Variants in MAPK10 observed in about 807,000 individuals in gnomAD.
MAPK10 encodes the protein JNK3 alpha protein kinase.
A neutral mutation model predicts 59.3 loss-of-function variants in MAPK10; 25 were observed. That is an observed-to-expected ratio of 0.42 (90% CI 0.31 to 0.59). MAPK10 has a LOEUF of 0.59. Among genes scored for constraint, MAPK10 ranks in the 20% least tolerant of loss-of-function variants. MAPK10 has a pLI of 0.15. For missense variants in MAPK10, 351 were observed against 568.9 expected, an observed-to-expected ratio of 0.62 and a Z score of 3.90; for synonymous variants, 190 against 200.5, an observed-to-expected ratio of 0.95 and a Z score of 0.44.
In MAPK10 at chr4:86,013,234, C is replaced by G. The variant is rs755583379; in HGVS notation, c.*3994G>C. On this transcript the variant is annotated 3_prime_UTR_variant, in exon 14 of 14. Coordinates refer to ENST00000641462, the MANE Select transcript of MAPK10 (RefSeq NM_138982.4). Reference sequence around the variant, plus strand: ...ATCACAAAGAAAATAGCTAAAATAACTATTTACATTGCAACTTTTTTGTTG... The same window carrying G: ...ATCACAAAGAAAATAGCTAAAATAAGTATTTACATTGCAACTTTTTTGTTG... 2.0e-5 allele frequency: 3 copies of G among 152,152 alleles called. No individual in the cohort carries two copies. Among genetic ancestry groups the G allele is most frequent in the African/African-American group, 4.8e-5 (2 of 41,440 alleles). The allele number at this position is 152,152 out of a possible 1,614,324, so 9.4% of individuals were successfully genotyped here. A position where few individuals can be genotyped will look rare whatever the true frequency, so the allele number is the denominator to read the frequency against.
chr4:86,357,993 C>T, intron 1 of MAPK10: 1 of 821,318 alleles, frequency 1.2e-6, no homozygotes, highest in Non-Finnish European at 1.5e-6. Flanking sequence ...GAGAGAAAAC[C>T]CAGTTTGCTC....
At chr4:86,332,932 A>G (rs550706877) in intron 2 of MAPK10, among the ~76,000 whole-genome samples, 2 of 152,286 alleles carry the variant, frequency 1.3e-5, no homozygotes, top group South Asian at 4.1e-4. Flanking sequence ...AATGGTAGTC[A>G]ACTAATCATT....
intron 1 of MAPK10, among the ~76,000 whole-genome samples, chr4:86,469,761 T>G (rs543799281): frequency 5.9e-5 from 9 of 152,302 alleles, no homozygotes; most frequent in African/African-American, 2.2e-4. Flanking sequence ...CAAAAAGAAT[T>G]GTAATTCCCA....
intron 2 of MAPK10, among the ~76,000 whole-genome samples, chr4:86,202,873 G>A (rs55656559): frequency 0.014 from 2,063 of 152,026 alleles, 49 homozygotes; most frequent in African/African-American, 0.047. Flanking sequence ...AAGTCACTGC[G>A]TAACCTTCTT....
chr4:86,244,256 ACT>A (rs934763433), intron 2 of MAPK10, among the ~76,000 whole-genome samples: 13 of 152,012 alleles, frequency 8.6e-5, no homozygotes, highest in African/African-American at 3.1e-4. Flanking sequence ...TTACGAAAAC[ACT>A]CAAAAAAAAT....
At chr4:86,479,880 C>T (rs568480595) in intron 1 of MAPK10, among the ~76,000 whole-genome samples, 11 of 152,102 alleles carry the variant, frequency 7.2e-5, no homozygotes, top group African/African-American at 2.4e-4. Context: ...CCCCCCTTAC[C>T]ACAAAATCTT....
At chr4:86,188,545 C>T (rs1029409184) in intron 3 of MAPK10, among the ~76,000 whole-genome samples, 2 of 152,132 alleles carry the variant, frequency 1.3e-5, no homozygotes, top group Non-Finnish European at 2.9e-5. Flanking sequence ...TAAATGTCTT[C>T]TTTTGAGAAG....
At chr4:86,322,891 G>T (rs980830789) in intron 2 of MAPK10, among the ~76,000 whole-genome samples, 2 of 152,170 alleles carry the variant, frequency 1.3e-5, no homozygotes, top group African/African-American at 4.8e-5. Flanking sequence ...TTAAAAATTA[G>T]CATTAGCATT....
At chr4:86,231,452 A>C (rs1185651430) in intron 2 of MAPK10, among the ~76,000 whole-genome samples, 1 of 152,038 alleles carries the variant, frequency 6.6e-6, no homozygotes, top group Non-Finnish European at 1.5e-5. Flanking sequence ...TCAAGAGATC[A>C]AGACCATCCT....
chr4:86,338,825 A>C (rs1255770975), intron 2 of MAPK10, among the ~76,000 whole-genome samples: 1 of 148,522 alleles, frequency 6.7e-6, no homozygotes, highest in Non-Finnish European at 1.5e-5. Flanking sequence ...AAAGCAAACC[A>C]ATCTTTTTCA....
chr4:86,334,825 T>A (rs1202192071), intron 2 of MAPK10, among the ~76,000 whole-genome samples: 1 of 151,912 alleles, frequency 6.6e-6, no homozygotes, highest in Admixed American at 6.6e-5. Flanking sequence ...ATATTGAAGG[T>A]TAGCATGCAA....
At position 86,398,113 on chromosome 4, in the gene MAPK10, A is replaced by G. The variant is rs112608929; in HGVS notation, c.-121-43469T>C. 9.9e-3 allele frequency among the ~76,000 whole-genome samples: 1,504 copies of G among 152,166 alleles called. 17 individuals are homozygous for G. The highest frequency in any genetic ancestry group is 0.034 in the African/African-American group (1,426 of 41,516). ...GACAGGCGCACAGGCAGGCAGACAG[A>G]CAGACCACACAACAAAAACTTTGTT... On this transcript the variant is annotated intron_variant, in intron 1 of 13. Coordinates refer to the MAPK10 transcript ENST00000361569.
intron 4 of MAPK10, among the ~76,000 whole-genome samples, chr4:86,108,928 A>G (rs1056790914): frequency 1.9e-4 from 29 of 152,170 alleles, no homozygotes; most frequent in African/African-American, 6.5e-4. Flanking sequence ...ATTAAATATT[A>G]CCAGTCCCCT....
intron 11 of MAPK10, among the ~76,000 whole-genome samples, chr4:86,062,639 T>C (rs897227475): frequency 2.6e-5 from 4 of 152,114 alleles, no homozygotes; most frequent in African/African-American, 9.7e-5. Flanking sequence ...CATAAGTTAA[T>C]ATGCCTCAAA....
chr4:86,025,689 A>G, intron 13 of MAPK10: 1 of 388,570 alleles, frequency 2.6e-6, no homozygotes, highest in Non-Finnish European at 4.5e-6. Flanking sequence ...GAAAATGTCA[A>G]TAGGGTTGCA....
chr4:86,036,253 C>A (rs746036290), intron 11 of MAPK10, among the ~76,000 whole-genome samples: 1 of 152,054 alleles, frequency 6.6e-6, no homozygotes, highest in Non-Finnish European at 1.5e-5. Context: ...CAGAAAGATC[C>A]AGATAGATCT....
At chr4:86,372,562 AAG>A (rs1491224591) in intron 1 of MAPK10, among the ~76,000 whole-genome samples, 13 of 26,232 alleles carry the variant, frequency 5.0e-4, no homozygotes, top group Admixed American at 3.1e-3. Flanking sequence ...GAAAGAAAGA[AAG>A]AAAGAAAAGA....
intron 2 of MAPK10, among the ~76,000 whole-genome samples, chr4:86,273,768 A>G (rs908689891): frequency 6.6e-6 from 1 of 152,006 alleles, no homozygotes; most frequent in African/African-American, 2.4e-5. Flanking sequence ...TTTTCCTTAT[A>G]GTTGTGAGTT....
At chr4:86,378,606 A>C (rs1047210586) in intron 1 of MAPK10, among the ~76,000 whole-genome samples, 2 of 152,240 alleles carry the variant, frequency 1.3e-5, no homozygotes, top group South Asian at 4.1e-4. Flanking sequence ...AATGCCCAAA[A>C]TATACTAGAG....
Sources: allele counts gnomAD v4.1 joint callset (sites outside exome capture counted in the v4.1 genomes callset), GRCh38; gene constraint gnomAD v4.1.1; transcripts MANE v1.5; gene names NCBI Gene and HGNC (gene_info 2026-07-23, HGNC 2026-07-21).